Variants in PTPA observed in about 807,000 individuals in gnomAD.
PTPA encodes serine/threonine-protein phosphatase 2A activator.
PTPA carries 13 observed loss-of-function variants against 43.6 expected under a neutral mutation model. The ratio of observed to expected loss-of-function variants is 0.30; its 90% CI spans 0.19 to 0.47. PTPA has a LOEUF of 0.47. PTPA is among the 20% of genes least tolerant of loss of function. The pLI is 0.99. For missense variants in PTPA, 329 were observed against 411.9 expected, an observed-to-expected ratio of 0.80 and a Z score of 1.74; for synonymous variants, 172 against 158.2, an observed-to-expected ratio of 1.09 and a Z score of -0.66.
chr9:129,120,183 G>A (rs1171402710), intron 1 of PTPA, among the ~76,000 whole-genome samples: 2 of 151,728 alleles, frequency 1.3e-5, no homozygotes, highest in Non-Finnish European at 2.9e-5. Context: ...GCTTGAACCC[G>A]GGAGGCAGAG....
intron 9 of PTPA, among the ~76,000 whole-genome samples, chr9:129,144,897 G>A (rs1292829888): frequency 1.3e-5 from 2 of 152,156 alleles, no homozygotes; most frequent in Non-Finnish European, 2.9e-5. Context: ...GCTGGGTGTG[G>A]TGGCTCATGC....
At chr9:129,128,244 G>A (rs1254790614) in intron 3 of PTPA, among the ~76,000 whole-genome samples, 2 of 152,112 alleles carry the variant, frequency 1.3e-5, no homozygotes, top group Non-Finnish European at 1.5e-5. Context: ...ATGTTAAAAT[G>A]TTTAGTGTAG....
chr9:129,145,125 G>T (rs1243720214), intron 9 of PTPA, among the ~76,000 whole-genome samples: 1 of 152,184 alleles, frequency 6.6e-6, no homozygotes, highest in Non-Finnish European at 1.5e-5. Context: ...GAGGTCAGGA[G>T]TTCATGACCA....
intron 1 of PTPA, among the ~76,000 whole-genome samples, chr9:129,116,680 C>T (rs966713507): frequency 3.3e-4 from 50 of 149,648 alleles, no homozygotes; most frequent in Admixed American, 1.9e-3. Flanking sequence ...CCACTGTGCC[C>T]GGCCACACCC....
chr9:129,111,039 G>C, upstream of PTPA: 1 of 1,369,432 alleles, frequency 7.3e-7, no homozygotes, highest in Non-Finnish European at 9.8e-7. Context: ...GGAGGTAGTG[G>C]TGTGCACCTT....
intron 8 of PTPA, among the ~76,000 whole-genome samples, chr9:129,141,160 ACTTAAAT>A (rs1259577853): frequency 2.0e-5 from 3 of 151,930 alleles, no homozygotes; most frequent in Non-Finnish European, 4.4e-5. Context: ...GTTTTTTTTG[ACTTAAAT>A]CTTAAAAGTT....
intron 9 of PTPA, among the ~76,000 whole-genome samples, 187 bp from the exon 10 acceptor site, chr9:129,147,200 C>T (rs1191959678): frequency 6.6e-6 from 1 of 152,092 alleles, no homozygotes; most frequent in Non-Finnish European, 1.5e-5. Context: ...TCTCGTGGGT[C>T]TCGTTGTGGA....
At position 129,120,509 on chromosome 9, in the gene PTPA, C is replaced by A; in HGVS notation, c.32-4C>A. On this transcript the variant is annotated splice_polypyrimidine_tract_variant and splice_region_variant and intron_variant, in intron 1 of 9. Transcript: ENST00000393370. ...TGTTTGTTTTTTCATTTTTTTTTGT[C>A]AAGATTCTTCAGAGGAGGCCCCTCC... The A allele has an allele frequency of 6.3e-7, 1 of 1,592,046 alleles. No individual in the cohort carries two copies. The highest frequency in any genetic ancestry group is 8.6e-7 in the Non-Finnish European group (1 of 1,169,312).
chr9:129,140,018 T>C (rs1220383296), intron 8 of PTPA: 2 of 152,536 alleles, frequency 1.3e-5, no homozygotes, highest in African/African-American at 4.8e-5. Flanking sequence ...AGATTTCAGC[T>C]GGAAGGGAAG....
chr9:129,142,844 G>A (rs1459958983), intron 9 of PTPA: 2 of 1,531,724 alleles, frequency 1.3e-6, no homozygotes, highest in South Asian at 1.2e-5. Flanking sequence ...GGGCGATGGG[G>A]GCCTCCCTTC....
At chr9:129,137,518 G>T (rs1206306279) in intron 7 of PTPA, 74 bp from the exon 8 acceptor site, 8 of 1,237,178 alleles carry the variant, frequency 6.5e-6, no homozygotes, top group Non-Finnish European at 9.2e-6. Flanking sequence ...CTGGGGGGGT[G>T]TGACTGCTGG....
At chr9:129,143,059 T>C (rs1238551025) in intron 9 of PTPA, 6 of 765,652 alleles carry the variant, frequency 7.8e-6, no homozygotes, top group Non-Finnish European at 1.2e-5. Flanking sequence ...GGGATTTTGA[T>C]GCAAATGGTT....
At chr9:129,136,618 TC>T in intron 7 of PTPA, 23 bp downstream of exon 7, 1 of 1,595,118 alleles carries the variant, frequency 6.3e-7, no homozygotes, top group Non-Finnish European at 8.6e-7. Flanking sequence ...GAGGTGCCTA[TC>T]CCTCCACCCC....
chr9:129,133,828 C>T (rs1462434681), intron 5 of PTPA, among the ~76,000 whole-genome samples: 1 of 152,212 alleles, frequency 6.6e-6, no homozygotes, highest in East Asian at 1.9e-4. Flanking sequence ...ACATACTGGC[C>T]TCCTTAGTGT....
intron 9 of PTPA, 143 bp downstream of exon 9, chr9:129,142,695 C>A: frequency 6.5e-7 from 1 of 1,544,626 alleles, no homozygotes; most frequent in East Asian, 2.4e-5. Flanking sequence ...GCCCCTCTGA[C>A]ACTTGGGGCC....
rs1247978561 is a variant in PTPA at position 129,147,759 on chromosome 9, C to T, written c.*295C>T. 2 of 403,844 alleles carry T rather than the reference C, an allele frequency of 5.0e-6. No individual in the cohort carries two copies. Among genetic ancestry groups the T allele is most frequent in the East Asian group, 5.4e-5 (1 of 18,422 alleles). The allele number at this position is 403,844 out of a possible 1,614,324, so 25.0% of individuals were successfully genotyped here. A position where few individuals can be genotyped will look rare whatever the true frequency, so the allele number is the denominator to read the frequency against. ...CACTCTCTCCTGTTTCTGGCCTCTT[C>T]TCCCTTCACTCCCGTCCAGTCTGGT... is the stretch of plus-strand genomic sequence containing the variant. On this transcript the variant is annotated 3_prime_UTR_variant, in exon 10 of 10. Coordinates refer to ENST00000393370, the MANE Select transcript of PTPA (RefSeq NM_178000.3).
intron 8 of PTPA, among the ~76,000 whole-genome samples, chr9:129,140,789 G>C (rs1048902279): frequency 2.1e-4 from 29 of 140,896 alleles, no homozygotes; most frequent in African/African-American, 8.0e-4. Flanking sequence ...CTGGGGAAGG[G>C]GTGGGGTAGG....
In PTPA at chr9:129,147,697, TGGCCA is replaced by T; in HGVS notation, c.*235_*239del. 1 of 523,208 alleles carries T rather than the reference TGGCCA, an allele frequency of 1.9e-6. No individual in the cohort carries two copies. The highest frequency in any genetic ancestry group is 3.5e-6 in the Non-Finnish European group (1 of 288,088). The allele number at this position is 523,208 out of a possible 1,614,324, so 32.4% of individuals were successfully genotyped here. Reference sequence around the variant, plus strand: ...TTTTCTGAGTTCCCGTGTGCTAGACTGGCCAGAAGAGAGGGTCTGGGGCCTGGTCA... The same window carrying T: ...TTTTCTGAGTTCCCGTGTGCTAGACTGAAGAGAGGGTCTGGGGCCTGGTCA... On this transcript the variant is annotated 3_prime_UTR_variant, in exon 10 of 10. Transcript: ENST00000393370.
intron 2 of PTPA, among the ~76,000 whole-genome samples, chr9:129,121,245 G>T (rs1055499009): frequency 3.3e-5 from 5 of 152,194 alleles, no homozygotes; most frequent in East Asian, 1.9e-4. Context: ...CCGGCCTGGT[G>T]AGCTGGGCTG....
Sources: allele counts gnomAD v4.1 joint callset (sites outside exome capture counted in the v4.1 genomes callset), GRCh38; gene constraint gnomAD v4.1.1; transcripts MANE v1.5; gene names NCBI Gene and HGNC (gene_info 2026-07-23, HGNC 2026-07-21).